TFEC: variants seen among roughly 807,000 people sequenced by gnomAD.
The protein encoded by TFEC is transcription factor EC, also known as class E basic helix-loop-helix protein 34.
Under a neutral mutation model 41.6 loss-of-function variants are expected in TFEC, and 31 were observed. The observed-to-expected ratio is 0.74, with a 90% CI of 0.56 to 1.01. The LOEUF is 1.01. Among genes scored for constraint, TFEC ranks in the 50% least tolerant of loss-of-function variants. TFEC has a pLI of 0.00. For synonymous variants in TFEC, 143 were observed against 140.6 expected (o/e 1.02, Z -0.12); for missense variants, 402 against 404.1 (o/e 0.99, Z 0.04).
chr7:115,963,000 C>A (rs1021868145), intron 3 of TFEC, among the ~76,000 whole-genome samples: 1 of 151,674 alleles, frequency 6.6e-6, no homozygotes, highest in Non-Finnish European at 1.5e-5. Context: ...ATCCCTCCCC[C>A]AGTCCCCCTC....
intron 3 of TFEC, among the ~76,000 whole-genome samples, chr7:116,071,707 T>C (rs1383365658): frequency 1.3e-5 from 2 of 151,336 alleles, no homozygotes; most frequent in Non-Finnish European, 3.0e-5. Flanking sequence ...AATGCACAAA[T>C]TGTATTTTAA....
chr7:116,095,720 T>C (rs1361322146), intron 3 of TFEC, among the ~76,000 whole-genome samples: 4 of 152,230 alleles, frequency 2.6e-5, no homozygotes, highest in Non-Finnish European at 5.9e-5. Context: ...CTCAGTTCAA[T>C]GACCTTTAGG....
rs541070305 is a variant in TFEC at position 116,119,844 on chromosome 7, A to T, written c.-68-7806T>A. ...GTTTGAAATACTTCTCCCAAAAGGAATTTAAACAGTGGAAACTATATAAAT... is the reference window on the plus strand; with the variant it reads ...GTTTGAAATACTTCTCCCAAAAGGATTTTAAACAGTGGAAACTATATAAAT... On this transcript the variant is annotated intron_variant, in intron 1 of 8. Transcript: ENST00000484212. Among the ~76,000 whole-genome samples, 494 of 151,960 alleles carry T rather than the reference A, an allele frequency of 3.3e-3. 5 individuals are homozygous for T. Among genetic ancestry groups the T allele is most frequent in the African/African-American group, 0.011 (477 of 41,516 alleles).
At chr7:116,027,168 A>G (rs1259931643) in intron 1 of TFEC, among the ~76,000 whole-genome samples, 1 of 152,186 alleles carries the variant, frequency 6.6e-6, no homozygotes, top group Non-Finnish European at 1.5e-5. Context: ...CTGTCTATAG[A>G]CAGATTGTCA....
chr7:116,011,296 A>T (rs570538721), intron 1 of TFEC, among the ~76,000 whole-genome samples: 1 of 152,306 alleles, frequency 6.6e-6, no homozygotes, highest in East Asian at 1.9e-4. Context: ...TTGAGTAAAT[A>T]GCACGTGGAA....
chr7:115,999,292 A>G (rs1440282022), intron 1 of TFEC, among the ~76,000 whole-genome samples: 2 of 152,048 alleles, frequency 1.3e-5, no homozygotes, highest in Non-Finnish European at 2.9e-5. Flanking sequence ...TCTTGAAACA[A>G]ATGATAATGA....
chr7:116,082,198 A>G (rs1797106729), intron 3 of TFEC, among the ~76,000 whole-genome samples: 1 of 152,064 alleles, frequency 6.6e-6, no homozygotes, highest in Non-Finnish European at 1.5e-5. Flanking sequence ...ATGCAAAAGT[A>G]ATAAATGTGT....
rs781130568 is a variant in TFEC at position 115,940,290 on chromosome 7, C to A, written c.*261G>T. ...ATAAAGAGCTATTTCTTATGCTGTA[C>A]CTCTTTTCAGGAAAACAGAATTTAA... On this transcript the variant is annotated 3_prime_UTR_variant, in exon 8 of 8. Transcript: ENST00000265440. 1 of 352,622 alleles carries A rather than the reference C, an allele frequency of 2.8e-6. No individual in the cohort carries two copies. Among genetic ancestry groups the A allele is most frequent in the Non-Finnish European group, 5.2e-6 (1 of 192,930 alleles). 21.8% of individuals were successfully genotyped at this position (352,622 alleles called of 1,614,324 possible). A position where few individuals can be genotyped will look rare whatever the true frequency, so the allele number is the denominator to read the frequency against.
intron 1 of TFEC, among the ~76,000 whole-genome samples, chr7:116,129,442 A>T (rs1562980269): frequency 6.6e-6 from 1 of 151,678 alleles, no homozygotes; most frequent in Non-Finnish European, 1.5e-5. Context: ...TACGGCATAC[A>T]GAGAGCATTA....
At chr7:115,991,919 A>C (rs1794135177) in intron 1 of TFEC, among the ~76,000 whole-genome samples, 1 of 152,196 alleles carries the variant, frequency 6.6e-6, no homozygotes, top group Non-Finnish European at 1.5e-5. Context: ...TCTCAGCACC[A>C]CATTGCCCTT....
intron 1 of TFEC, among the ~76,000 whole-genome samples, chr7:115,998,607 C>T (rs1032120212): frequency 5.3e-5 from 8 of 150,600 alleles, no homozygotes; most frequent in African/African-American, 1.9e-4. Context: ...TATAAAGATA[C>T]ACATAGAATG....
At chr7:116,147,416 T>A (rs1798665979) in intron 1 of TFEC, among the ~76,000 whole-genome samples, 1 of 152,180 alleles carries the variant, frequency 6.6e-6, no homozygotes. Context: ...TATATTTTTT[T>A]TATTATACTT....
intron 3 of TFEC, among the ~76,000 whole-genome samples, chr7:116,052,612 A>G (rs2130960477): frequency 6.6e-6 from 1 of 151,954 alleles, no homozygotes; most frequent in Middle Eastern, 3.4e-3. Context: ...TATTTTTAGT[A>G]GAAACAGGGC....
chr7:115,995,406 T>C (rs1489842755), intron 1 of TFEC, among the ~76,000 whole-genome samples: 2 of 152,052 alleles, frequency 1.3e-5, no homozygotes, highest in Admixed American at 6.6e-5. Context: ...TATACACACA[T>C]ATATATATGC....
rs545991480 is a variant in TFEC at position 116,030,674 on chromosome 7, C to T, written c.-114G>A. ...TTATCAGTGTTGTCATCTCTACAAA[C>T]AGCACCAAATTATAATCCCTCTTCC... On this transcript the variant is annotated 5_prime_UTR_variant, in exon 1 of 8. Coordinates refer to ENST00000265440, the MANE Select transcript of TFEC (RefSeq NM_012252.4). The T allele has an allele frequency of 2.7e-5, 27 of 985,290 alleles. No homozygotes were observed. The Admixed American group carries it at 5.5e-4, about 20-fold the overall frequency. The allele number at this position is 985,290 out of a possible 1,614,324, so 61.0% of individuals were successfully genotyped here. A position where few individuals can be genotyped will look rare whatever the true frequency, so the allele number is the denominator to read the frequency against.
At chr7:115,945,744 G>A (rs1364937360) in intron 6 of TFEC, among the ~76,000 whole-genome samples, 2 of 151,678 alleles carry the variant, frequency 1.3e-5, no homozygotes. Flanking sequence ...AACAATGCTT[G>A]CAATGCAGTT....
At chr7:116,086,970 T>G (rs1279749367) in intron 3 of TFEC, among the ~76,000 whole-genome samples, 4 of 151,966 alleles carry the variant, frequency 2.6e-5, no homozygotes, top group South Asian at 4.1e-4. Context: ...GTGACATCAT[T>G]AGCGCAGCAG....
chr7:116,004,163 A>G (rs1794701400), intron 1 of TFEC, among the ~76,000 whole-genome samples: 1 of 152,168 alleles, frequency 6.6e-6, no homozygotes, highest in Non-Finnish European at 1.5e-5. Flanking sequence ...ACAGGAAATC[A>G]ATAAAGAAAG....
chr7:116,090,498 G>A (rs1360511305), intron 3 of TFEC, among the ~76,000 whole-genome samples: 1 of 152,072 alleles, frequency 6.6e-6, no homozygotes, highest in Non-Finnish European at 1.5e-5. Flanking sequence ...GAGACGCCAA[G>A]AACCCGGACA....
Sources: gnomAD v4.1 joint callset for allele counts (sites outside exome capture counted in the v4.1 genomes callset) on GRCh38, gnomAD v4.1.1 for gene constraint, MANE v1.5 for transcripts, NCBI Gene and HGNC (gene_info 2026-07-23, HGNC 2026-07-21) for gene names.